Variants in EMCN observed in about 807,000 individuals in gnomAD.
EMCN encodes endomucin.
A neutral mutation model predicts 38.4 loss-of-function variants in EMCN; 37 were observed. That is an observed-to-expected ratio of 0.96 (90% CI 0.74 to 1.27). The LOEUF (loss-of-function observed/expected upper bound fraction) is 1.27, where lower values mean the gene tolerates loss of function less well. Ranked by LOEUF, EMCN falls within the 50% of genes most tolerant of loss-of-function variation. The pLI is 0.00. For missense variants in EMCN, 318 were observed against 302.8 expected (o/e 1.05, Z -0.37); for synonymous variants, 95 against 100.8 (o/e 0.94, Z 0.35).
intron 2 of EMCN, among the ~76,000 whole-genome samples, chr4:100,476,916 G>T (rs1427155336): frequency 6.6e-6 from 1 of 152,104 alleles, no homozygotes; most frequent in Non-Finnish European, 1.5e-5. Context: ...GAGAAAAATG[G>T]GGTACCCAAA....
intron 5 of EMCN, among the ~76,000 whole-genome samples, chr4:100,434,709 G>A: frequency 6.6e-6 from 1 of 152,158 alleles, no homozygotes; most frequent in East Asian, 1.9e-4. Context: ...CAGGATGCAA[G>A]GTTGGTTCAA....
intron 5 of EMCN, among the ~76,000 whole-genome samples, chr4:100,433,533 A>T (rs893095714): frequency 1.3e-5 from 2 of 150,038 alleles, no homozygotes; most frequent in African/African-American, 2.5e-5. Flanking sequence ...ATACTATTTT[A>T]TTTTTTTTCC....
chr4:100,447,701 T>C (rs548174594), intron 4 of EMCN, 130 bp from the exon 5 acceptor site: 5 of 615,806 alleles, frequency 8.1e-6, no homozygotes, highest in Admixed American at 5.8e-5. Flanking sequence ...TTTCAAATCA[T>C]AAAATCATGA....
Position 100,497,185 on chromosome 4 carries a change from A to C in EMCN, c.65-17146T>G, listed in dbSNP as rs577644171. On this transcript the variant is annotated intron_variant, in intron 1 of 11. Coordinates refer to ENST00000296420, the MANE Select transcript of EMCN (RefSeq NM_016242.4). The stretch of plus-strand genomic sequence containing the variant: ...AATTATATATAAAAAAGGAAGTATA[A>C]GACCTACAATAATCTAGCTAGACTT... Among the ~76,000 whole-genome samples, 8 of 151,668 alleles carry C rather than the reference A, an allele frequency of 5.3e-5. 1 individual carries two copies. Among genetic ancestry groups the C allele is most frequent in the Admixed American group, 3.9e-4 (6 of 15,236 alleles).
intron 3 of EMCN, among the ~76,000 whole-genome samples, chr4:100,473,025 T>A (rs188263361): frequency 0.011 from 1,656 of 144,498 alleles, 40 homozygotes; most frequent in African/African-American, 0.039. Flanking sequence ...ATATATATTT[T>A]TTTTTTTTGA....
intron 11 of EMCN, among the ~76,000 whole-genome samples, chr4:100,401,839 T>C (rs545557671): frequency 6.6e-6 from 1 of 152,210 alleles, no homozygotes; most frequent in African/African-American, 2.4e-5. Context: ...AAAGGTGTCT[T>C]GGAACAGAAG....
intron 5 of EMCN, among the ~76,000 whole-genome samples, chr4:100,434,070 A>G (rs1373484989): frequency 2.0e-5 from 3 of 152,114 alleles, no homozygotes; most frequent in Admixed American, 1.3e-4. Context: ...CCTTCAATAA[A>G]TCAATGAATC....
At chr4:100,463,370 T>C (rs1728234254) in intron 4 of EMCN, among the ~76,000 whole-genome samples, 1 of 152,176 alleles carries the variant, frequency 6.6e-6, no homozygotes, top group African/African-American at 2.4e-5. Context: ...ACTTCGCACC[T>C]TCAATTCCCG....
chr4:100,473,019 A>T (rs748213548), intron 3 of EMCN, among the ~76,000 whole-genome samples: 93 of 61,718 alleles, frequency 1.5e-3, no homozygotes, highest in Non-Finnish European at 2.0e-3. Context: ...TTATATATAT[A>T]TATTTTTTTT....
rs1228247105 is a variant in EMCN, at chr4:100,470,061, A to G, written c.260-4522T>C. Among the ~76,000 whole-genome samples the G allele has an allele frequency of 2.6e-5, 4 of 152,250 alleles. No individual in the cohort carries two copies. The East Asian group carries it at 7.7e-4, about 29-fold the overall frequency. On this transcript the variant is annotated intron_variant, in intron 3 of 11. Transcript: ENST00000296420. ...GACAAATGGGATTGAATTAAACTAA[A>G]AAGCTTCTGCATAGCAAAAGAAACT...
At chr4:100,486,445 G>C (rs553355939) in intron 1 of EMCN, among the ~76,000 whole-genome samples, 7 of 152,302 alleles carry the variant, frequency 4.6e-5, no homozygotes, top group Admixed American at 6.5e-5. Context: ...TGTAAAAGAA[G>C]CTTTTAAATT....
chr4:100,476,680 A>G (rs1006052169), intron 2 of EMCN, among the ~76,000 whole-genome samples: 1 of 152,238 alleles, frequency 6.6e-6, no homozygotes, highest in Non-Finnish European at 1.5e-5. Flanking sequence ...TTTGAGAAAC[A>G]TGTTGAATTC....
chr4:100,409,780 C>A (rs1726498355), intron 11 of EMCN, among the ~76,000 whole-genome samples: 1 of 152,162 alleles, frequency 6.6e-6, no homozygotes, highest in Admixed American at 6.5e-5. Context: ...AGAGAGAGGG[C>A]AATTAGACCC....
At chr4:100,447,510 G>C in intron 5 of EMCN, 23 bp downstream of exon 5, 1 of 1,560,826 alleles carries the variant, frequency 6.4e-7, no homozygotes, top group Non-Finnish European at 8.8e-7. Flanking sequence ...TACTAAGAGA[G>C]AGACAGAGAA....
intron 4 of EMCN, among the ~76,000 whole-genome samples, chr4:100,459,208 TC>T (rs1412570387): frequency 1.3e-4 from 6 of 46,306 alleles, no homozygotes; most frequent in African/African-American, 6.9e-4. Context: ...TCTCTCTCTC[TC>T]TCTCTCTCTC....
chr4:100,396,295 T>C lies in EMCN; in HGVS notation c.*2118A>G, dbSNP rs989437568. 1 of 152,168 alleles carries C rather than the reference T, an allele frequency of 6.6e-6. No homozygotes were observed. Among genetic ancestry groups the C allele is most frequent in the African/African-American group, 2.4e-5 (1 of 41,462 alleles). 9.4% of individuals were successfully genotyped at this position (152,168 alleles called of 1,614,324 possible). Reference sequence around the variant, plus strand: ...TTTGTGTGCACTTCTTGAACTAGAATAAATTTTATTCTTTTCTGACCATTA... The same window carrying C: ...TTTGTGTGCACTTCTTGAACTAGAACAAATTTTATTCTTTTCTGACCATTA... On this transcript the variant is annotated 3_prime_UTR_variant, in exon 12 of 12. Coordinates refer to ENST00000296420, the MANE Select transcript of EMCN (RefSeq NM_016242.4).
chr4:100,485,855 G>T lies in EMCN; in HGVS notation c.65-5816C>A, dbSNP rs1728927974. On this transcript the variant is annotated intron_variant, in intron 1 of 11. Transcript: ENST00000296420. ...AAGAAAAAAATTATTATGTGATGAT[G>T]CAACCTGGATAATTTCTTCTGTTTG... 2.6e-5 allele frequency among the ~76,000 whole-genome samples: 4 copies of T among 152,070 alleles called. No individual in the cohort carries two copies. In the South Asian group the frequency reaches 8.3e-4, roughly 31 times the overall value.
chr4:100,485,597 T>A (rs2110286710), intron 1 of EMCN, among the ~76,000 whole-genome samples: 1 of 151,430 alleles, frequency 6.6e-6, no homozygotes, highest in Non-Finnish European at 1.5e-5. Flanking sequence ...ATATATAAAA[T>A]ATATACATAA....
chr4:100,435,492 T>C (rs576668854), intron 5 of EMCN, among the ~76,000 whole-genome samples: 142 of 152,154 alleles, frequency 9.3e-4, no homozygotes, highest in Middle Eastern at 3.4e-3. Flanking sequence ...ATTAAACTAC[T>C]ATTGACATTC....
Sources: gnomAD v4.1 joint callset for allele counts (sites outside exome capture counted in the v4.1 genomes callset) on GRCh38, gnomAD v4.1.1 for gene constraint, MANE v1.5 for transcripts, NCBI Gene and HGNC (gene_info 2026-07-23, HGNC 2026-07-21) for gene names.